The following CNTNAP5 variants were observed in gnomAD, a reference collection of about 807,000 sequenced individuals.
CNTNAP5 encodes the protein contactin-associated protein-like 5.
Under a neutral mutation model 150.2 loss-of-function variants are expected in CNTNAP5, and 72 were observed. That is an observed-to-expected ratio of 0.48 (90% confidence interval 0.40 to 0.58). The LOEUF is 0.58. CNTNAP5 is among the 20% of genes least tolerant of loss of function. The pLI, the probability that CNTNAP5 is intolerant of heterozygous loss-of-function variation, is 0.00. For synonymous variants in CNTNAP5, 672 were observed against 619.8 expected (o/e 1.08, Z -1.25); for missense variants, 1,636 against 1,626.2 (o/e 1.01, Z -0.10).
intron 14 of CNTNAP5, among the ~76,000 whole-genome samples, chr2:124,756,859 A>G (rs1680850163): frequency 6.6e-6 from 1 of 152,144 alleles, no homozygotes. Flanking sequence ...TGTGCAGCAA[A>G]CCACCATGGC....
rs192873264 is a variant in CNTNAP5, at chr2:124,299,091, C to T, written c.381+56698C>T. Reference sequence around the variant, plus strand: ...AGGAAAGAAAAGGGAAACAGGGACACGTCACAAACCCAGAGAGAGAATCCT... The same window carrying T: ...AGGAAAGAAAAGGGAAACAGGGACATGTCACAAACCCAGAGAGAGAATCCT... On this transcript the variant is annotated intron_variant, in intron 3 of 23. Transcript: ENST00000682447. Among the ~76,000 whole-genome samples, 16 of 152,286 alleles carry T rather than the reference C, an allele frequency of 1.1e-4. No homozygotes were observed. In the East Asian group the frequency reaches 2.1e-3, roughly 20 times the overall value.
chr2:124,317,261 G>A (rs973862297), intron 3 of CNTNAP5, among the ~76,000 whole-genome samples: 2 of 152,156 alleles, frequency 1.3e-5, no homozygotes, highest in Non-Finnish European at 2.9e-5. Flanking sequence ...GATGATAACA[G>A]TAATAATTTT....
intron 1 of CNTNAP5, among the ~76,000 whole-genome samples, chr2:124,046,512 G>T (rs115690959): frequency 1.0e-3 from 157 of 150,802 alleles, no homozygotes; most frequent in African/African-American, 3.5e-3. Context: ...GACAACAGCC[G>T]CCTCCTGCTG....
chr2:124,283,994 G>C (rs1028002369), intron 3 of CNTNAP5, among the ~76,000 whole-genome samples: 1 of 152,144 alleles, frequency 6.6e-6, no homozygotes, highest in Admixed American at 6.6e-5. Flanking sequence ...GACCATAGCA[G>C]GGGCTTTTCC....
intron 10 of CNTNAP5, among the ~76,000 whole-genome samples, chr2:124,544,771 G>A (rs570663781): frequency 2.4e-4 from 37 of 152,174 alleles, no homozygotes; most frequent in Non-Finnish European, 4.1e-4. Flanking sequence ...TTATCCATAA[G>A]TTCAGCAGCG....
In CNTNAP5 at chr2:124,176,786, G is replaced by GA. The variant is rs150651676; in HGVS notation, c.83-44918dup. On this transcript the variant is annotated intron_variant, in intron 1 of 23. Coordinates refer to ENST00000682447, the MANE Select transcript of CNTNAP5 (RefSeq NM_001367498.1). Reference sequence around the variant, plus strand: ...GGGGCAGAACTTTCTCTGGAAGGGGGATCTTATGACCTAAAATCAGACAAA... The same window carrying GA: ...GGGGCAGAACTTTCTCTGGAAGGGGGAATCTTATGACCTAAAATCAGACAAA... Among the ~76,000 whole-genome samples the GA allele has an allele frequency of 8.0e-3, 1,211 of 151,092 alleles. 17 individuals carry two copies. Among genetic ancestry groups the GA allele is most frequent in the African/African-American group, 0.027 (1,116 of 41,124 alleles).
chr2:124,473,524 TA>T (rs561442197), intron 6 of CNTNAP5, among the ~76,000 whole-genome samples: 1 of 151,966 alleles, frequency 6.6e-6, no homozygotes, highest in Admixed American at 6.6e-5. Flanking sequence ...GTGAAGCTTG[TA>T]AAAAAATCTA....
At position 124,629,735 on chromosome 2, in the gene CNTNAP5, A is replaced by T. The variant is rs1182480249; in HGVS notation, c.1877-18023A>T. Among the ~76,000 whole-genome samples, 3 of 151,276 alleles carry T rather than the reference A, an allele frequency of 2.0e-5. No individual in the cohort carries two copies. The East Asian group carries it at 5.8e-4, about 29-fold the overall frequency. On this transcript the variant is annotated intron_variant, in intron 12 of 23. Coordinates refer to ENST00000682447, the MANE Select transcript of CNTNAP5 (RefSeq NM_001367498.1). The stretch of plus-strand genomic sequence containing the variant: ...TCAGAGTGGAACTGGAGATAGATAT[A>T]TGAAAAACCCTTCAAATAATCAATG...
intron 3 of CNTNAP5, among the ~76,000 whole-genome samples, chr2:124,258,039 ATATT>A (rs1687358007): frequency 6.6e-6 from 1 of 152,112 alleles, no homozygotes; most frequent in Non-Finnish European, 1.5e-5. Context: ...TATAGCAACA[ATATT>A]TATAGGAACA....
intron 3 of CNTNAP5, among the ~76,000 whole-genome samples, chr2:124,251,475 T>C (rs1195678750): frequency 1.3e-5 from 2 of 151,878 alleles, no homozygotes; most frequent in African/African-American, 4.8e-5. Context: ...TGCTTTTTTT[T>C]TTTTTTTACC....
chr2:124,563,743 A>G (rs986941922), intron 11 of CNTNAP5, among the ~76,000 whole-genome samples: 1 of 152,224 alleles, frequency 6.6e-6, no homozygotes, highest in Non-Finnish European at 1.5e-5. Flanking sequence ...CCCATCATGC[A>G]TGACAAAGGC....
At chr2:124,065,467 T>C (rs1682130902) in intron 1 of CNTNAP5, among the ~76,000 whole-genome samples, 1 of 152,122 alleles carries the variant, frequency 6.6e-6, no homozygotes, top group Non-Finnish European at 1.5e-5. Context: ...CCCCAGCAGC[T>C]CTGCCCACCA....
chr2:124,770,692 C>A (rs1440493073), intron 16 of CNTNAP5, among the ~76,000 whole-genome samples: 1 of 152,174 alleles, frequency 6.6e-6, no homozygotes, highest in Non-Finnish European at 1.5e-5. Flanking sequence ...CTGCTCATCA[C>A]TCAATCTGTT....
At chr2:124,419,484 T>C (rs921282566) in intron 4 of CNTNAP5, among the ~76,000 whole-genome samples, 16 of 152,150 alleles carry the variant, frequency 1.1e-4, no homozygotes, top group African/African-American at 3.9e-4. Flanking sequence ...AACGATAACA[T>C]GTATCTTTTC....
chr2:124,230,386 CTACAACG>C, intron 2 of CNTNAP5, among the ~76,000 whole-genome samples: 1 of 152,208 alleles, frequency 6.6e-6, no homozygotes, highest in East Asian at 1.9e-4. Flanking sequence ...ATAAACAACA[CTACAACG>C]TCTGCTCTCT....
intron 3 of CNTNAP5, among the ~76,000 whole-genome samples, chr2:124,353,590 GTAT>G: frequency 1.3e-5 from 2 of 152,206 alleles, no homozygotes; most frequent in Middle Eastern, 6.8e-3. Context: ...GTGAGAATTT[GTAT>G]TATCCTCTCT....
chr2:124,355,161 A>G (rs1689965669), intron 3 of CNTNAP5, among the ~76,000 whole-genome samples: 2 of 152,108 alleles, frequency 1.3e-5, no homozygotes, highest in African/African-American at 2.4e-5. Flanking sequence ...AAATATAGAT[A>G]TTTAAGTAGA....
rs1677256676 is a variant in CNTNAP5 at position 124,607,239 on chromosome 2, T to C, written c.1757-2562T>C. The stretch of plus-strand genomic sequence containing the variant: ...TAGGTGGTTCTGTCTTGGTCTCTCA[T>C]GCAGCTGCAAAAAAGATGTCCACAG... On this transcript the variant is annotated intron_variant, in intron 11 of 23. Coordinates refer to ENST00000682447, the MANE Select transcript of CNTNAP5 (RefSeq NM_001367498.1). 2.0e-5 allele frequency among the ~76,000 whole-genome samples: 3 copies of C among 152,160 alleles called. No individual in the cohort carries two copies. The South Asian group carries it at 6.2e-4, about 31-fold the overall frequency.
Position 124,722,621 on chromosome 2 carries a change from C to T in CNTNAP5, c.2078-24608C>T, listed in dbSNP as rs371595593. Among the ~76,000 whole-genome samples the T allele has an allele frequency of 2.0e-5, 3 of 152,126 alleles. No individual in the cohort carries two copies. The East Asian group carries it at 5.8e-4, about 29-fold the overall frequency. Reference sequence around the variant, plus strand: ...AGGCCCACTGAAGTGGCAGCATTACCTCCTGAGTTCCTGGGTGGTAGCCCC... The same window carrying T: ...AGGCCCACTGAAGTGGCAGCATTACTTCCTGAGTTCCTGGGTGGTAGCCCC... On this transcript the variant is annotated intron_variant, in intron 13 of 23. Transcript: ENST00000682447.
Sources: allele counts gnomAD v4.1 joint callset (sites outside exome capture counted in the v4.1 genomes callset), GRCh38; gene constraint gnomAD v4.1.1; transcripts MANE v1.5; gene names NCBI Gene and HGNC (gene_info 2026-07-23, HGNC 2026-07-21).